ZDHHC11B: variants seen among roughly 807,000 people sequenced by gnomAD.
ZDHHC11B encodes zDHHC palmitoyltransferase 11B (putative).
ZDHHC11B carries 17 observed loss-of-function variants against 42.3 expected under a neutral mutation model. That is an observed-to-expected ratio of 0.40 (90% CI 0.27 to 0.60). ZDHHC11B has a LOEUF of 0.60. Ranked by LOEUF, ZDHHC11B falls within the 20% of genes least tolerant of loss-of-function variation. ZDHHC11B has a pLI of 0.41. For synonymous variants in ZDHHC11B, 123 were observed against 193.5 expected (o/e 0.64, Z 3.02); for missense variants, 262 against 463.2 (o/e 0.57, Z 3.99).
chr5:750,960 G>C (rs1252727422), intron 7 of ZDHHC11B, among the ~76,000 whole-genome samples, 173 bp downstream of exon 7: 67 of 111,272 alleles, frequency 6.0e-4, no homozygotes, highest in African/African-American at 1.8e-3. Context: ...GGGGGCTGCT[G>C]GGCTGTATGA....
chr5:723,262 G>A (rs1742324350), intron 12 of ZDHHC11B, among the ~76,000 whole-genome samples: 1 of 145,156 alleles, frequency 6.9e-6, no homozygotes. Flanking sequence ...TCCAAAACAA[G>A]GGGAAAGAGG....
rs1745083401 is a variant in ZDHHC11B, at chr5:748,187, C to T, written c.784+217G>A. ...AGCTTCTTGCTGGGCCTGCTGGGCC[C>T]TCATGGATTTAATTTCTTCCTGTGA... On this transcript the variant is annotated intron_variant, in intron 8 of 13. Coordinates refer to ENST00000508859, the MANE Select transcript of ZDHHC11B (RefSeq NM_001351303.2). The T allele has an allele frequency of 5.0e-6, 3 of 594,428 alleles. 1 individual carries two copies. The highest frequency in any genetic ancestry group is 5.8e-6 in the Non-Finnish European group (2 of 344,128). The allele number at this position is 594,428 out of a possible 1,614,324, so 36.8% of individuals were successfully genotyped here. A position where few individuals can be genotyped will look rare whatever the true frequency, so the allele number is the denominator to read the frequency against.
In ZDHHC11B at chr5:710,938, GCTGTGAGCTCCCATTTCCCAGTA is replaced by G. The variant is rs1741319056; in HGVS notation, c.*1329_*1351del. ...CAATGCTATGCTCCCATTTCCCAGT[GCTGTGAGCTCCCATTTCCCAGTA>G]CTGTGCTCCCATTTCCAAATACTGT... On this transcript the variant is annotated 3_prime_UTR_variant, in exon 14 of 14. Coordinates refer to ENST00000508859, the MANE Select transcript of ZDHHC11B (RefSeq NM_001351303.2). 1 of 113,422 alleles carries G rather than the reference GCTGTGAGCTCCCATTTCCCAGTA, an allele frequency of 8.8e-6. No homozygotes were observed. The highest frequency in any genetic ancestry group is 3.7e-5 in the African/African-American group (1 of 27,392). 7.0% of individuals were successfully genotyped at this position (113,422 alleles called of 1,614,324 possible).
At chr5:757,750 A>G (rs2127140703) in intron 4 of ZDHHC11B, among the ~76,000 whole-genome samples, 1 of 151,914 alleles carries the variant, frequency 6.6e-6, no homozygotes, top group Non-Finnish European at 1.5e-5. Context: ...GTGTGCAGAC[A>G]TGGCTGCAAG....
At chr5:777,259 G>A (rs552456669) in intron 1 of ZDHHC11B, among the ~76,000 whole-genome samples, 1 of 151,960 alleles carries the variant, frequency 6.6e-6, no homozygotes, top group Admixed American at 6.6e-5. Context: ...TGACGCCTCT[G>A]GAGTCATTCA....
rs1390471673 is a variant in ZDHHC11B at position 767,904 on chromosome 5, A to G, written c.-133-380T>C. On this transcript the variant is annotated intron_variant, in intron 2 of 13. Transcript: ENST00000508859. ...CCAGGGCCAGCTCTCGCTGTGGGGGACACAGGCCAGGTGTACTGTGCAGTG... is the reference window on the plus strand; with the variant it reads ...CCAGGGCCAGCTCTCGCTGTGGGGGGCACAGGCCAGGTGTACTGTGCAGTG... Among the ~76,000 whole-genome samples, 31 of 11,460 alleles carry G rather than the reference A, an allele frequency of 2.7e-3. 1 individual carries two copies. Among genetic ancestry groups the G allele is most frequent in the African/African-American group, 6.3e-3 (26 of 4,156 alleles). The allele number at this position is 11,460 out of a possible 152,430, so 7.5% of individuals were successfully genotyped here. A position where few individuals can be genotyped will look rare whatever the true frequency, so the allele number is the denominator to read the frequency against.
intron 4 of ZDHHC11B, among the ~76,000 whole-genome samples, chr5:761,836 A>G (rs2150204184): frequency 6.6e-6 from 1 of 152,118 alleles, no homozygotes; most frequent in Admixed American, 6.6e-5. Context: ...TTCTACTCAC[A>G]GCCCTGGACA....
At chr5:770,698 C>T (rs1441081079) in intron 1 of ZDHHC11B, among the ~76,000 whole-genome samples, 1 of 152,028 alleles carries the variant, frequency 6.6e-6, no homozygotes, top group Non-Finnish European at 1.5e-5. Context: ...TGTGGTGGCC[C>T]TGGGGGTGCC....
intron 12 of ZDHHC11B, among the ~76,000 whole-genome samples, chr5:730,138 A>G (rs1173610650): frequency 7.9e-5 from 12 of 151,758 alleles, no homozygotes; most frequent in African/African-American, 2.9e-4. Context: ...AGAAACATTA[A>G]AAAACATTCA....
chr5:733,769 C>A lies in ZDHHC11B; in HGVS notation c.1006G>T (p.Gly336Trp). Residue 336 changes from glycine to tryptophan, a missense_variant, in exon 11 of 14, where the codon GGG becomes TGG. Coordinates refer to ENST00000508859, the MANE Select transcript of ZDHHC11B (RefSeq NM_001351303.2). ...CAACTTACCTGTGCCTTCGAATCCC[C>A]GTCCTGGTTTACTGAAGTGCAGAAG... ...CHFCTSVNQD[G>W]DSKAQEADDA... The A allele has an allele frequency of 6.2e-7, 1 of 1,611,406 alleles. No individual in the cohort carries two copies. Among genetic ancestry groups the A allele is most frequent in the Non-Finnish European group, 8.5e-7 (1 of 1,179,322 alleles).
rs556503479 is a variant in ZDHHC11B, at chr5:730,484, A to T, written c.1024-16T>A. 9.9e-4 allele frequency: 1,541 copies of T among 1,555,320 alleles called. 64 individuals are homozygous for T. In the African/African-American group the frequency reaches 0.02, roughly 20 times the overall value. ...CATCTGCTTCCTGTGGGGGGAAGGG[A>T]AGCAAAATTCTTAGGATGAACAAAG... On this transcript the variant is annotated splice_polypyrimidine_tract_variant and intron_variant, in intron 11 of 13. Coordinates refer to ENST00000508859, the MANE Select transcript of ZDHHC11B (RefSeq NM_001351303.2).
rs532784123 is a variant in ZDHHC11B at position 745,871 on chromosome 5, G to A, written c.785-573C>T. ...GTCCTGGGACCACACACTCCTGAGC[G>A]TGCTGAGAGCCCCAGGCCCAGGAGG... On this transcript the variant is annotated intron_variant, in intron 8 of 13. Transcript: ENST00000508859. Among the ~76,000 whole-genome samples, 16 of 149,730 alleles carry A rather than the reference G, an allele frequency of 1.1e-4. 1 individual carries two copies. In the South Asian group the frequency reaches 2.0e-3, roughly 19 times the overall value.
At chr5:737,569 C>A (rs1328008762) in intron 10 of ZDHHC11B, among the ~76,000 whole-genome samples, 1 of 149,228 alleles carries the variant, frequency 6.7e-6, no homozygotes, top group Non-Finnish European at 1.5e-5. Context: ...ACTAGCGAAC[C>A]GAATCAAACA....
At chr5:758,056 A>T (rs11134231) in intron 4 of ZDHHC11B, among the ~76,000 whole-genome samples, 7,161 of 148,026 alleles carry the variant, frequency 0.048, 91 homozygotes, top group East Asian at 0.13. Context: ...GGTGACACTG[A>T]CATGACCGAG....
intron 8 of ZDHHC11B, chr5:748,098 G>A: frequency 1.9e-6 from 1 of 517,604 alleles, no homozygotes; most frequent in Non-Finnish European, 3.3e-6. Context: ...CATTTTCTCT[G>A]AACATTTTAA....
chr5:777,006 T>TC (rs1397772217), intron 1 of ZDHHC11B, among the ~76,000 whole-genome samples: 1 of 151,960 alleles, frequency 6.6e-6, no homozygotes, highest in East Asian at 1.9e-4. Context: ...TCCGTGCCTT[T>TC]CCCCCTGCAG....
At chr5:725,833 CGT>C (rs1742562002) in intron 12 of ZDHHC11B, among the ~76,000 whole-genome samples, 1 of 152,288 alleles carries the variant, frequency 6.6e-6, no homozygotes, top group Non-Finnish European at 1.5e-5. Flanking sequence ...TGGGAGGCTG[CGT>C]GAGTGCTCAG....
At chr5:713,955 A>C (rs932046983) in intron 13 of ZDHHC11B, among the ~76,000 whole-genome samples, 17 of 135,174 alleles carry the variant, frequency 1.3e-4, no homozygotes, top group Non-Finnish European at 2.4e-4. Context: ...CAGGTTTCAC[A>C]AATGCCCTCA....
intron 4 of ZDHHC11B, among the ~76,000 whole-genome samples, chr5:757,559 G>T (rs1734035169): frequency 1.3e-5 from 2 of 151,896 alleles, no homozygotes; most frequent in African/African-American, 4.8e-5. Flanking sequence ...CCTGATGAGG[G>T]TCCCGTAAGA....
Sources: gnomAD v4.1 joint callset for allele counts (sites outside exome capture counted in the v4.1 genomes callset) on GRCh38, gnomAD v4.1.1 for gene constraint, MANE v1.5 for transcripts, NCBI Gene and HGNC (gene_info 2026-07-23, HGNC 2026-07-21) for gene names.